ZNF341: variants seen among roughly 807,000 people sequenced by gnomAD.
ZNF341 encodes the protein zinc finger protein 341.
ZNF341 carries 52 observed loss-of-function variants against 87.7 expected under a neutral mutation model. The ratio of observed to expected loss-of-function variants is 0.59; its 90% confidence interval spans 0.47 to 0.75. ZNF341 has a LOEUF of 0.75. Ranked by LOEUF, ZNF341 falls within the 30% of genes least tolerant of loss-of-function variation. The pLI is 0.00. For synonymous variants in ZNF341, 459 were observed against 472.7 expected, an observed-to-expected ratio of 0.97 and a Z score of 0.38; for missense variants, 977 against 1,145.9, an observed-to-expected ratio of 0.85 and a Z score of 2.13.
At chr20:33,762,604 G>C (rs1022806633) in intron 8 of ZNF341, among the ~76,000 whole-genome samples, 2 of 151,716 alleles carry the variant, frequency 1.3e-5, no homozygotes, top group African/African-American at 4.8e-5. Context: ...TGCCATGGTG[G>C]TTTGCTGCAC....
intron 1 of ZNF341, among the ~76,000 whole-genome samples, chr20:33,735,663 A>T (rs751131225): frequency 3.9e-5 from 6 of 152,122 alleles, no homozygotes; most frequent in Admixed American, 6.5e-5. Context: ...TTTTCTGTAG[A>T]TTCACATGCA....
intron 4 of ZNF341, among the ~76,000 whole-genome samples, chr20:33,751,117 T>C (rs2019045855): frequency 6.6e-6 from 1 of 152,172 alleles, no homozygotes; most frequent in African/African-American, 2.4e-5. Context: ...ACCATATGGA[T>C]AGGCCATCTT....
Position 33,757,133 on chromosome 20 carries a change from G to C in ZNF341, c.742-15G>C, listed in dbSNP as rs748527706. 3 of 1,390,884 alleles carry C rather than the reference G, an allele frequency of 2.2e-6. No homozygotes were observed. Among genetic ancestry groups the C allele is most frequent in the African/African-American group, 3.0e-5 (2 of 67,104 alleles). The allele number at this position is 1,390,884 out of a possible 1,614,324, so 86.2% of individuals were successfully genotyped here. On this transcript the variant is annotated splice_polypyrimidine_tract_variant and intron_variant, in intron 5 of 14. Transcript: ENST00000375200. The stretch of plus-strand genomic sequence containing the variant: ...CCCTGGCAGGGCTTTTTCCCTGACT[G>C]TGTTGTCCTCCTAGGTGCCAAACCA...
At chr20:33,738,160 C>A (rs2018730740) in intron 1 of ZNF341, among the ~76,000 whole-genome samples, 1 of 151,460 alleles carries the variant, frequency 6.6e-6, no homozygotes, top group Admixed American at 6.6e-5. Context: ...AAAAGTTGGC[C>A]AGGCGTGGTG....
At chr20:33,749,629 A>G (rs1348136323) in intron 4 of ZNF341, among the ~76,000 whole-genome samples, 2 of 151,946 alleles carry the variant, frequency 1.3e-5, no homozygotes, top group Non-Finnish European at 2.9e-5. Flanking sequence ...ACGGGGTTTC[A>G]CCATGTTGGC....
chr20:33,752,030 A>C (rs1317331158), intron 4 of ZNF341: 3 of 371,146 alleles, frequency 8.1e-6, no homozygotes, highest in African/African-American at 6.3e-5. Flanking sequence ...CAGGTGGGCA[A>C]AATAAGCCTT....
chr20:33,734,761 G>A (rs1247125457), intron 1 of ZNF341, among the ~76,000 whole-genome samples: 1 of 152,138 alleles, frequency 6.6e-6, no homozygotes, highest in Non-Finnish European at 1.5e-5. Flanking sequence ...CTGAAGTGCA[G>A]TGGTGCAATC....
At chr20:33,752,777 C>T (rs113432444) in intron 4 of ZNF341, among the ~76,000 whole-genome samples, 7 of 151,766 alleles carry the variant, frequency 4.6e-5, no homozygotes, top group African/African-American at 1.4e-4. Context: ...CTCAGCCTCC[C>T]GATAGCTGGG....
chr20:33,783,799 G>GT lies in ZNF341; in HGVS notation c.1787_1788insT (p.Gln597ProfsTer23). ...CACGGCAGCGGGGGCAGGTTCAAGT[G>GT]CCAAGTGTGCAAGAAGTTCTTCCGG... On this transcript the variant is annotated frameshift_variant, in exon 12 of 15. Transcript: ENST00000375200. LOFTEE classifies it high-confidence loss of function. The GT allele has an allele frequency of 6.2e-7, 1 of 1,613,768 alleles. No individual in the cohort carries two copies. The highest frequency in any genetic ancestry group is 1.1e-5 in the South Asian group (1 of 91,074).
chr20:33,744,261 C>T (rs1040004774), intron 2 of ZNF341, among the ~76,000 whole-genome samples: 4 of 148,026 alleles, frequency 2.7e-5, no homozygotes, highest in African/African-American at 1.0e-4. Context: ...CCAGCCTGGG[C>T]AGCAAGAGTG....
rs2019797116 is a variant in ZNF341, at chr20:33,783,981, C to T, written c.1852+117C>T. 13 of 1,009,468 alleles carry T rather than the reference C, an allele frequency of 1.3e-5. No homozygotes were observed. In the South Asian group the frequency reaches 2.1e-4, roughly 16 times the overall value. The allele number at this position is 1,009,468 out of a possible 1,614,324, so 62.5% of individuals were successfully genotyped here. ...GGCTCTTCTCCCTGTCTCCCTCAGC[C>T]CCTTTTCCCTCCACTTCTCCATCTC... On this transcript the variant is annotated intron_variant, in intron 12 of 14. Transcript: ENST00000375200.
In ZNF341 at chr20:33,770,098, G is replaced by A; in HGVS notation, c.1428G>A (p.Val476=). ...QHKNEQVYKC[V]VKSCAQTFPK... is the part of the protein sequence containing the mutation. ...CTTCCCTCAAGGTGTACAAGTGTGT[G>A]GTCAAAAGCTGTGCCCAGACGTTCC... The change falls in exon 10 of 15, where the codon GTG becomes GTA. Residue 476 remains valine, a synonymous_variant. Coordinates refer to ENST00000375200, the MANE Select transcript of ZNF341 (RefSeq NM_001282933.2). The A allele has an allele frequency of 1.2e-6, 2 of 1,613,424 alleles. No individual in the cohort carries two copies. The highest frequency in any genetic ancestry group is 1.7e-6 in the Non-Finnish European group (2 of 1,179,614).
At chr20:33,738,287 G>A (rs758732975) in intron 1 of ZNF341, among the ~76,000 whole-genome samples, 3 of 152,066 alleles carry the variant, frequency 2.0e-5, no homozygotes, top group Non-Finnish European at 2.9e-5. Context: ...TAATAATAAT[G>A]ATAATAATAT....
intron 4 of ZNF341, among the ~76,000 whole-genome samples, chr20:33,751,514 T>C (rs1420461759): frequency 1.3e-5 from 2 of 152,156 alleles, no homozygotes; most frequent in African/African-American, 2.4e-5. Context: ...ACATGTGTGC[T>C]GTGTTTCTAC....
chr20:33,743,618 T>C (rs1482081430), intron 2 of ZNF341, among the ~76,000 whole-genome samples: 3 of 151,998 alleles, frequency 2.0e-5, no homozygotes, highest in Admixed American at 6.6e-5. Context: ...GGATTACAGG[T>C]GTGAGTGAGC....
chr20:33,767,093 A>T, intron 9 of ZNF341, 52 bp downstream of exon 9: 1 of 1,571,188 alleles, frequency 6.4e-7, no homozygotes, highest in Admixed American at 1.7e-5. Context: ...GAAACCTTTC[A>T]CTGGTGCTAG....
Position 33,770,173 on chromosome 20 carries a change from G to A in ZNF341, c.1503G>A (p.Leu501=), listed in dbSNP as rs150475970. 1.2e-5 allele frequency: 20 copies of A among 1,614,198 alleles called. No individual in the cohort carries two copies. The African/African-American group carries it at 2.4e-4, about 19-fold the overall frequency. The stretch of plus-strand genomic sequence containing the variant: ...ACATCAAGAGCCACCAGGAGGAGCT[G>A]AGCTACCGCTGCCACCTCTGCGGCA... The part of the protein sequence containing the change: ...LEHIKSHQEE[L]SYRCHLCGKD... Residue 501 remains leucine (L), a synonymous_variant, in exon 10 of 15, where the codon CTG becomes CTA. Coordinates refer to ENST00000375200, the MANE Select transcript of ZNF341 (RefSeq NM_001282933.2).
At chr20:33,758,144 A>G (rs2019218811) in intron 6 of ZNF341, among the ~76,000 whole-genome samples, 1 of 152,172 alleles carries the variant, frequency 6.6e-6, no homozygotes, top group South Asian at 2.1e-4. Context: ...TGGAAGAGAC[A>G]GACAGGGAAT....
rs561907752 is a variant in ZNF341 at position 33,743,431 on chromosome 20, C to T, written c.143-1672C>T. Among the ~76,000 whole-genome samples, 9 of 150,568 alleles carry T rather than the reference C, an allele frequency of 6.0e-5. No individual in the cohort carries two copies. In the South Asian group the frequency reaches 1.1e-3, roughly 18 times the overall value. On this transcript the variant is annotated intron_variant, in intron 2 of 14. Coordinates refer to ENST00000375200, the MANE Select transcript of ZNF341 (RefSeq NM_001282933.2). ...TCTCGCTCACTGCAACCTCCACCTC[C>T]TGGGTTTAAGCAATTCTCCTGCCTC...
Sources: gnomAD v4.1 joint callset for allele counts (sites outside exome capture counted in the v4.1 genomes callset) on GRCh38, gnomAD v4.1.1 for gene constraint, MANE v1.5 for transcripts, NCBI Gene and HGNC (gene_info 2026-07-23, HGNC 2026-07-21) for gene names.